Variants in EDA observed in about 807,000 individuals in gnomAD.
EDA encodes the protein ectodysplasin A.
A neutral mutation model predicts 23.6 loss-of-function variants in EDA; 2 were observed. The observed-to-expected ratio is 0.08, with a 90% CI of 0.03 to 0.27. The LOEUF (loss-of-function observed/expected upper bound fraction) is 0.27, where lower values mean the gene tolerates loss of function less well. EDA is among the 10% of genes least tolerant of loss of function. The pLI is 1.00. For synonymous variants in EDA, 131 were observed against 132.0 expected, an observed-to-expected ratio of 0.99 and a Z score of 0.05; for missense variants, 229 against 324.2, an observed-to-expected ratio of 0.71 and a Z score of 2.26.
chrX:69,974,959 A>C (rs1028650206), intron 2 of EDA, among the ~76,000 whole-genome samples: 1 of 111,941 alleles, frequency 8.9e-6, no homozygotes, highest in African/African-American at 3.2e-5. Context: ...AAAAGTCAAA[A>C]AATAACAAAT....
At chrX:69,623,051 CTT>C (rs915388335) in intron 1 of EDA, among the ~76,000 whole-genome samples, 35 of 112,030 alleles carry the variant, frequency 3.1e-4, no homozygotes, top group Non-Finnish European at 5.3e-4. Context: ...CTGTTGGTCT[CTT>C]TGTCATTACA....
At chrX:69,920,974 A>G (rs1198879866) in intron 1 of EDA, among the ~76,000 whole-genome samples, 3 of 109,568 alleles carry the variant, frequency 2.7e-5, no homozygotes, top group African/African-American at 9.9e-5. Context: ...TTATTTATTT[A>G]TTTATTTATT....
intron 1 of EDA, among the ~76,000 whole-genome samples, chrX:69,694,704 ACAT>A (rs1282907538): frequency 2.7e-5 from 3 of 112,167 alleles, no homozygotes; most frequent in African/African-American, 9.7e-5. Flanking sequence ...GCTGCATACA[ACAT>A]TTTAAGATAA....
intron 2 of EDA, among the ~76,000 whole-genome samples, chrX:69,979,280 T>C (rs1256926744): frequency 1.8e-5 from 2 of 112,425 alleles, no homozygotes; most frequent in African/African-American, 6.5e-5. Flanking sequence ...GAATATACTA[T>C]ATTTTATCCA....
chrX:70,006,487 T>G (rs2147482448), intron 2 of EDA, among the ~76,000 whole-genome samples: 1 of 112,344 alleles, frequency 8.9e-6, no homozygotes, highest in African/African-American at 3.2e-5. Context: ...TTGAGCATAT[T>G]TTTCTATGCT....
chrX:69,695,384 CTG>C (rs745569986), intron 1 of EDA, among the ~76,000 whole-genome samples: 170 of 110,869 alleles, frequency 1.5e-3, no homozygotes, highest in African/African-American at 5.4e-3. Context: ...TGATAAGTGA[CTG>C]TGAAATAACA....
intron 1 of EDA, among the ~76,000 whole-genome samples, chrX:69,641,537 A>G (rs1472304848): frequency 8.9e-6 from 1 of 112,179 alleles, no homozygotes; most frequent in Non-Finnish European, 1.9e-5. Context: ...TGTGCTAAGT[A>G]TTAGACTAGT....
intron 1 of EDA, among the ~76,000 whole-genome samples, chrX:69,712,156 A>G (rs1238538729): frequency 1.9e-5 from 2 of 108,042 alleles, no homozygotes; most frequent in African/African-American, 3.4e-5. Context: ...CCCTCTACAC[A>G]CTGCTTTGAA....
At chrX:69,910,473 T>C (rs1445578354) in intron 1 of EDA, among the ~76,000 whole-genome samples, 1 of 108,255 alleles carries the variant, frequency 9.2e-6, no homozygotes, top group African/African-American at 3.4e-5. Context: ...CTTTAATCTA[T>C]ACATTTATAT....
chrX:69,713,019 C>T (rs1002789110), intron 1 of EDA, among the ~76,000 whole-genome samples: 5 of 93,427 alleles, frequency 5.4e-5, no homozygotes, highest in African/African-American at 1.7e-4. Flanking sequence ...ACAATGAGAA[C>T]ACATGGACAC....
chrX:69,861,669 G>A (rs1484417955), intron 1 of EDA, among the ~76,000 whole-genome samples: 1 of 111,159 alleles, frequency 9.0e-6, no homozygotes, highest in Admixed American at 9.6e-5. Flanking sequence ...AACACAGGAA[G>A]ATTAAAACCC....
intron 1 of EDA, among the ~76,000 whole-genome samples, chrX:69,699,745 G>A (rs185188738): frequency 9.0e-6 from 1 of 110,595 alleles, no homozygotes; most frequent in African/African-American, 3.3e-5. Flanking sequence ...GGTGAGGTCT[G>A]GGAAAGTGAG....
intron 1 of EDA, among the ~76,000 whole-genome samples, chrX:69,768,337 G>A (rs192345067): frequency 2.6e-4 from 29 of 111,729 alleles, no homozygotes; most frequent in African/African-American, 8.4e-4. Flanking sequence ...CGTACATTTA[G>A]GTCCATGATC....
intron 1 of EDA, among the ~76,000 whole-genome samples, chrX:69,952,408 A>G (rs948508370): frequency 9.0e-6 from 1 of 111,361 alleles, no homozygotes; most frequent in African/African-American, 3.3e-5. Context: ...GTGCAGGGGA[A>G]GTCCTTTTTT....
intron 1 of EDA, among the ~76,000 whole-genome samples, chrX:69,834,142 A>C (rs1160461168): frequency 1.8e-5 from 2 of 110,244 alleles, no homozygotes; most frequent in East Asian, 5.8e-4. Context: ...TCATCCAACT[A>C]TGTGTTATAT....
intron 1 of EDA, among the ~76,000 whole-genome samples, chrX:69,755,837 C>T (rs1455179710): frequency 8.9e-6 from 1 of 112,638 alleles, no homozygotes; most frequent in African/African-American, 3.2e-5. Context: ...GCGAGTGAGG[C>T]GCTGTGGGCA....
intron 1 of EDA, among the ~76,000 whole-genome samples, chrX:69,646,361 C>T (rs1255855390): frequency 3.6e-5 from 4 of 111,688 alleles, no homozygotes; most frequent in Non-Finnish European, 7.5e-5. Flanking sequence ...AATCTGGGTG[C>T]TTCTGTATTA....
chrX:70,034,870 T>A (rs1158263955), intron 7 of EDA, among the ~76,000 whole-genome samples: 1 of 111,780 alleles, frequency 8.9e-6, no homozygotes, highest in Non-Finnish European at 1.9e-5. Context: ...TAAGCTTCTG[T>A]TAAGGAGCTC....
intron 2 of EDA, among the ~76,000 whole-genome samples, chrX:70,001,092 T>C (rs190980400): frequency 2.4e-3 from 264 of 111,825 alleles, no homozygotes; most frequent in African/African-American, 7.8e-3. Flanking sequence ...ATCCAGGTAG[T>C]ATACCCTTCT....
Sources: gnomAD v4.1 joint callset for allele counts (sites outside exome capture counted in the v4.1 genomes callset) on GRCh38, gnomAD v4.1.1 for gene constraint, MANE v1.5 for transcripts, NCBI Gene and HGNC (gene_info 2026-07-23, HGNC 2026-07-21) for gene names.